Variants in ENOX1 observed in about 807,000 individuals in gnomAD.
The protein encoded by ENOX1 is candidate growth-related and time keeping constitutive hydroquinone (NADH) oxidase.
A neutral mutation model predicts 82.5 loss-of-function variants in ENOX1; 42 were observed. The ratio of observed to expected loss-of-function variants is 0.51; its 90% CI spans 0.40 to 0.66. The LOEUF (loss-of-function observed/expected upper bound fraction) is 0.66. Ranked by LOEUF, ENOX1 falls within the 30% of genes least tolerant of loss-of-function variation. The pLI, the probability that ENOX1 is intolerant of heterozygous loss-of-function variation, is 0.00. For missense variants in ENOX1, 608 were observed against 811.6 expected, an observed-to-expected ratio of 0.75 and a Z score of 3.05; for synonymous variants, 271 against 282.2, an observed-to-expected ratio of 0.96 and a Z score of 0.40.
intron 2 of ENOX1, among the ~76,000 whole-genome samples, chr13:43,630,856 T>TACACACAC (rs747970083): frequency 0.02 from 260 of 13,110 alleles, 1 homozygote; most frequent in Middle Eastern, 0.12. Context: ...CATATATATA[T>TACACACAC]ATATACACAC....
rs146481253 is a variant in ENOX1 at position 43,358,595 on chromosome 13, T to G, written c.589+1256A>C. Among the ~76,000 whole-genome samples, 344 of 152,324 alleles carry G rather than the reference T, an allele frequency of 2.3e-3. 1 individual carries two copies. The highest frequency in any genetic ancestry group is 8.0e-3 in the African/African-American group (331 of 41,566). ...TCCTTCTTTATCATCATCAGGATATTTGTGTTAAAAACAACCATTTCCTGA... is the reference window on the plus strand; with the variant it reads ...TCCTTCTTTATCATCATCAGGATATGTGTGTTAAAAACAACCATTTCCTGA... On this transcript the variant is annotated intron_variant, in intron 7 of 16. Coordinates refer to ENST00000690772, the MANE Select transcript of ENOX1 (RefSeq NM_001347969.2).
chr13:43,460,716 C>T (rs9533497), intron 3 of ENOX1, among the ~76,000 whole-genome samples: 71,916 of 148,682 alleles, frequency 0.48, 17,751 homozygotes, highest in African/African-American at 0.54. Flanking sequence ...ATGGCGTGAA[C>T]CCGGGAAGCG....
rs543263317 is a variant in ENOX1, at chr13:43,754,728, G to A, written c.-285+31924C>T. On this transcript the variant is annotated intron_variant, in intron 1 of 16. Transcript: ENST00000690772. Reference sequence around the variant, plus strand: ...GTCTCCTGAGTAGCTGGGGTGACAGGTGCATGCCACCACACCCAGCTAATT... The same window carrying A: ...GTCTCCTGAGTAGCTGGGGTGACAGATGCATGCCACCACACCCAGCTAATT... Among the ~76,000 whole-genome samples the A allele has an allele frequency of 3.1e-4, 47 of 152,044 alleles. 1 individual carries two copies. In the South Asian group the frequency reaches 9.8e-3, roughly 32 times the overall value.
chr13:43,452,037 G>A (rs555448040), intron 3 of ENOX1, among the ~76,000 whole-genome samples: 1 of 152,286 alleles, frequency 6.6e-6, no homozygotes, highest in South Asian at 2.1e-4. Context: ...ACCTGAAGGA[G>A]GTAATCTTAT....
chr13:43,585,377 C>CAATAAAATAAAGCA (rs2080930818), intron 2 of ENOX1, among the ~76,000 whole-genome samples: 1 of 152,168 alleles, frequency 6.6e-6, no homozygotes, highest in African/African-American at 2.4e-5. Flanking sequence ...TGTAAGATAA[C>CAATAAAATAAAGCA]ATATTTATAT....
chr13:43,401,717 A>G (rs2053507150), intron 5 of ENOX1, among the ~76,000 whole-genome samples: 1 of 152,212 alleles, frequency 6.6e-6, no homozygotes, highest in African/African-American at 2.4e-5. Context: ...CAAGTTCTCG[A>G]GATCCAGAGA....
At chr13:43,436,544 AG>A (rs1375458927) in intron 3 of ENOX1, among the ~76,000 whole-genome samples, 4 of 152,244 alleles carry the variant, frequency 2.6e-5, no homozygotes, top group Non-Finnish European at 5.9e-5. Flanking sequence ...GAACCAGGAT[AG>A]GAATGGCAGG....
intron 2 of ENOX1, among the ~76,000 whole-genome samples, chr13:43,661,270 G>A (rs533636590): frequency 1.1e-4 from 17 of 152,284 alleles, no homozygotes; most frequent in African/African-American, 3.8e-4. Flanking sequence ...GACTTTAATT[G>A]GATGGATATA....
intron 1 of ENOX1, among the ~76,000 whole-genome samples, chr13:43,707,317 C>A (rs905138987): frequency 1.5e-4 from 23 of 152,124 alleles, no homozygotes; most frequent in African/African-American, 5.1e-4. Context: ...TAAACCGTGA[C>A]CTGCCCCAAA....
At chr13:43,572,468 A>T (rs902529930) in intron 2 of ENOX1, among the ~76,000 whole-genome samples, 1 of 152,208 alleles carries the variant, frequency 6.6e-6, no homozygotes, top group African/African-American at 2.4e-5. Context: ...TTCCAGGCTC[A>T]CAGCTCAATG....
chr13:43,771,902 A>G (rs1478540773), intron 1 of ENOX1, among the ~76,000 whole-genome samples: 1 of 150,200 alleles, frequency 6.7e-6, no homozygotes, highest in Non-Finnish European at 1.5e-5. Flanking sequence ...GTAGCTGGGA[A>G]TACAGGCGCG....
chr13:43,423,776 A>C (rs1225301014), intron 3 of ENOX1, among the ~76,000 whole-genome samples: 2 of 152,236 alleles, frequency 1.3e-5, no homozygotes, highest in Non-Finnish European at 2.9e-5. Flanking sequence ...GCCACAGATA[A>C]ATTTATGAAA....
intron 2 of ENOX1, among the ~76,000 whole-genome samples, chr13:43,486,352 CG>C (rs1201427084): frequency 1.3e-5 from 2 of 151,760 alleles, no homozygotes; most frequent in African/African-American, 4.8e-5. Context: ...CCACTGCACT[CG>C]GGCCTGGGCA....
intron 2 of ENOX1, among the ~76,000 whole-genome samples, chr13:43,490,399 C>A (rs1360031440): frequency 2.6e-5 from 4 of 152,154 alleles, no homozygotes; most frequent in African/African-American, 9.7e-5. Flanking sequence ...GATGCTAGAA[C>A]AAGTTTAGAC....
intron 11 of ENOX1, among the ~76,000 whole-genome samples, chr13:43,314,800 T>A (rs1309387139): frequency 6.6e-5 from 10 of 152,198 alleles, no homozygotes; most frequent in Admixed American, 6.5e-4. Flanking sequence ...CATACTCACA[T>A]TCAAGGGACC....
At position 43,357,878 on chromosome 13, in the gene ENOX1, C is replaced by T. The variant is rs556583315; in HGVS notation, c.590-1726G>A. Reference sequence around the variant, plus strand: ...GCTGGAGCCCACAAACAGGAGGGGCCGCCTGACTTCCTTCCTGCCTTTCCA... The same window carrying T: ...GCTGGAGCCCACAAACAGGAGGGGCTGCCTGACTTCCTTCCTGCCTTTCCA... On this transcript the variant is annotated intron_variant, in intron 7 of 16. Coordinates refer to ENST00000690772, the MANE Select transcript of ENOX1 (RefSeq NM_001347969.2). 1.1e-4 allele frequency among the ~76,000 whole-genome samples: 16 copies of T among 152,248 alleles called. No individual in the cohort carries two copies. In the East Asian group the frequency reaches 2.1e-3, roughly 20 times the overall value.
intron 2 of ENOX1, among the ~76,000 whole-genome samples, chr13:43,551,057 T>C (rs187525625): frequency 6.6e-6 from 1 of 152,328 alleles, no homozygotes; most frequent in Admixed American, 6.5e-5. Context: ...TTTTTTTAAG[T>C]AATTTTGCAT....
At chr13:43,630,925 GTGTGTGTT>G (rs1594182902) in intron 2 of ENOX1, among the ~76,000 whole-genome samples, 1 of 128,428 alleles carries the variant, frequency 7.8e-6, no homozygotes, top group South Asian at 2.5e-4. Context: ...GTATATGTGT[GTGTGTGTT>G]TGTGTGTGTG....
At chr13:43,327,012 A>G (rs770084994) in intron 9 of ENOX1, among the ~76,000 whole-genome samples, 21 of 152,232 alleles carry the variant, frequency 1.4e-4, no homozygotes, top group African/African-American at 5.1e-4. Context: ...AGACATTATC[A>G]TGTCCAAGTT....
Sources: gnomAD v4.1 joint callset for allele counts (sites outside exome capture counted in the v4.1 genomes callset) on GRCh38, gnomAD v4.1.1 for gene constraint, MANE v1.5 for transcripts, NCBI Gene and HGNC (gene_info 2026-07-23, HGNC 2026-07-21) for gene names.